MYT1L: variants seen among roughly 807,000 people sequenced by gnomAD.
MYT1L encodes the protein myelin transcription factor 1-like protein.
A neutral mutation model predicts 126.7 loss-of-function variants in MYT1L; 12 were observed. The observed-to-expected ratio is 0.09, with a 90% confidence interval of 0.06 to 0.15. MYT1L has a LOEUF of 0.15. Ranked by LOEUF, MYT1L falls within the 10% of genes least tolerant of loss-of-function variation. The pLI is 1.00. For synonymous variants in MYT1L, 541 were observed against 604.2 expected, an observed-to-expected ratio of 0.90 and a Z score of 1.53; for missense variants, 979 against 1,585.2, an observed-to-expected ratio of 0.62 and a Z score of 6.49.
At chr2:1,981,647 G>A (rs553624335) in intron 5 of MYT1L, among the ~76,000 whole-genome samples, 3 of 152,336 alleles carry the variant, frequency 2.0e-5, no homozygotes, top group African/African-American at 4.8e-5. Flanking sequence ...GGGAGGCCCC[G>A]CTGGTCCAGC....
intron 23 of MYT1L, among the ~76,000 whole-genome samples, chr2:1,794,628 T>A (rs911209247): frequency 1.3e-5 from 2 of 152,214 alleles, no homozygotes; most frequent in East Asian, 3.9e-4. Context: ...CCATTCCTCC[T>A]TCAACTTATG....
intron 3 of MYT1L, among the ~76,000 whole-genome samples, chr2:2,081,906 A>T (rs2150321287): frequency 6.6e-6 from 1 of 152,058 alleles, no homozygotes; most frequent in Non-Finnish European, 1.5e-5. Context: ...TGCTTGGCTA[A>T]TTTTTGTATG....
intron 8 of MYT1L, among the ~76,000 whole-genome samples, chr2:1,954,970 A>G (rs969906049): frequency 6.6e-6 from 1 of 151,734 alleles, no homozygotes; most frequent in Non-Finnish European, 1.5e-5. Context: ...AGAGAGAAAG[A>G]AAGAAAAGAA....
intron 1 of MYT1L, among the ~76,000 whole-genome samples, chr2:2,321,523 C>T (rs189617957): frequency 1.7e-4 from 26 of 152,190 alleles, no homozygotes; most frequent in African/African-American, 5.1e-4. Flanking sequence ...TGGTTTATTG[C>T]TTTTAGGGTT....
intron 3 of MYT1L, among the ~76,000 whole-genome samples, chr2:2,086,500 C>A (rs968974647): frequency 6.6e-6 from 1 of 152,098 alleles, no homozygotes; most frequent in Non-Finnish European, 1.5e-5. Context: ...GCCATCATAC[C>A]CATTTGTTCT....
intron 3 of MYT1L, among the ~76,000 whole-genome samples, chr2:2,122,839 G>GTA (rs1559076307): frequency 2.0e-5 from 2 of 98,226 alleles, no homozygotes; most frequent in African/African-American, 5.0e-5. Flanking sequence ...GGATAGGAAT[G>GTA]TGTGTGTGTG....
chr2:1,875,362 C>A (rs1029912187), intron 18 of MYT1L, among the ~76,000 whole-genome samples: 1 of 152,158 alleles, frequency 6.6e-6, no homozygotes, highest in Non-Finnish European at 1.5e-5. Context: ...AGTGTGCCTG[C>A]CTTGCCAAGG....
intron 4 of MYT1L, among the ~76,000 whole-genome samples, chr2:2,021,346 C>T (rs1214771992): frequency 6.6e-6 from 1 of 152,168 alleles, no homozygotes; most frequent in East Asian, 1.9e-4. Context: ...ATGCCCCAGA[C>T]ATGTCCAGGC....
intron 2 of MYT1L, among the ~76,000 whole-genome samples, chr2:2,267,646 G>C (rs1288993573): frequency 6.6e-6 from 1 of 152,218 alleles, no homozygotes; most frequent in Non-Finnish European, 1.5e-5. Context: ...GTGGGCTGAA[G>C]TGGGAAGGTG....
chr2:2,006,107 C>A (rs1257131020), intron 4 of MYT1L, among the ~76,000 whole-genome samples: 2 of 152,096 alleles, frequency 1.3e-5, no homozygotes, highest in African/African-American at 4.8e-5. Context: ...TGCATGAGTT[C>A]TTTCCTCCAT....
At chr2:2,163,226 C>T (rs999753610) in intron 3 of MYT1L, among the ~76,000 whole-genome samples, 7 of 152,232 alleles carry the variant, frequency 4.6e-5, no homozygotes, top group Non-Finnish European at 7.4e-5. Flanking sequence ...CTACATGGGG[C>T]TCTGATCTCT....
At chr2:1,888,763 A>G (rs2048459501) in intron 16 of MYT1L, among the ~76,000 whole-genome samples, 1 of 152,228 alleles carries the variant, frequency 6.6e-6, no homozygotes, top group Non-Finnish European at 1.5e-5. Context: ...GTACTAAAAT[A>G]GTTTATTCAA....
At chr2:2,316,271 G>T (rs1412086401) in intron 1 of MYT1L, among the ~76,000 whole-genome samples, 1 of 152,194 alleles carries the variant, frequency 6.6e-6, no homozygotes, top group Non-Finnish European at 1.5e-5. Flanking sequence ...GAGTTGGTGA[G>T]AACATGCCAT....
At position 1,811,242 on chromosome 2, in the gene MYT1L, A is replaced by C. The variant is rs548456178; in HGVS notation, c.3081-2075T>G. ...TTTGCAGCCCTGGAACGTCTAAGAC[A>C]ATCACCAGTATTTGTTGCTCATACC... On this transcript the variant is annotated intron_variant, in intron 21 of 24. Coordinates refer to ENST00000647738, the MANE Select transcript of MYT1L (RefSeq NM_001303052.2). The surrounding 1 kb of genome is among the most constrained non-coding windows in gnomAD (Gnocchi z 4.4). 5.9e-5 allele frequency: 9 copies of C among 152,334 alleles called. No homozygotes were observed. The highest frequency in any genetic ancestry group is 2.2e-4 in the African/African-American group (9 of 41,582). The allele number at this position is 152,334 out of a possible 1,614,324, so 9.4% of individuals were successfully genotyped here.
At chr2:2,190,555 TAAAAAAAAAA>T (rs777939174) in intron 2 of MYT1L, among the ~76,000 whole-genome samples, 2 of 108,452 alleles carry the variant, frequency 1.8e-5, no homozygotes, top group African/African-American at 6.7e-5. Context: ...CAAGACCTGT[TAAAAAAAAAA>T]AAAAAAAAAA....
chr2:2,226,784 T>C (rs2094021658), intron 2 of MYT1L, among the ~76,000 whole-genome samples: 2 of 152,146 alleles, frequency 1.3e-5, no homozygotes, highest in African/African-American at 2.4e-5. Context: ...CTGCCTGTAA[T>C]TGGGTCTCAT....
rs1243353407 is a variant in MYT1L at position 1,892,041 on chromosome 2, G to C, written c.2279C>G (p.Thr760Arg). Reference sequence around the variant, plus strand: ...CACCTGCCCAGGCGCGCGTACCCGCGTGGCGCACAGGTCCTGCGGCTTGGT... The same window carrying C: ...CACCTGCCCAGGCGCGCGTACCCGCCTGGCGCACAGGTCCTGCGGCTTGGT... ...LSTKPQDLCA[T>R]RNPDMEVDEN... is the part of the protein sequence containing the mutation. The change falls in exon 15 of 25, where the codon ACG becomes AGG. Residue 760 changes from threonine (T) to arginine (R), a missense_variant. By Grantham distance (71) the Thr-to-Arg change is moderately conservative (BLOSUM62 -1). This residue lies in a region of MYT1L where 141 missense variants were observed against 170.6 expected (regional missense o/e 0.83). Transcript: ENST00000647738. The C allele has an allele frequency of 2.0e-6, 3 of 1,528,008 alleles. No homozygotes were observed. Among genetic ancestry groups the C allele is most frequent in the Non-Finnish European group, 2.6e-6 (3 of 1,138,884 alleles). 94.7% of individuals were successfully genotyped at this position (1,528,008 alleles called of 1,614,324 possible).
chr2:2,189,188 C>T (rs2092415801), intron 2 of MYT1L, among the ~76,000 whole-genome samples: 1 of 152,208 alleles, frequency 6.6e-6, no homozygotes, highest in African/African-American at 2.4e-5. Context: ...AACCTGAACT[C>T]CTGGCCATGC....
chr2:2,042,682 C>T (rs181418162), intron 4 of MYT1L, among the ~76,000 whole-genome samples: 4 of 152,252 alleles, frequency 2.6e-5, no homozygotes, highest in Admixed American at 6.5e-5. Flanking sequence ...CCAATGGTCC[C>T]GGCCTCCCTG....
Sources: allele counts gnomAD v4.1 joint callset (sites outside exome capture counted in the v4.1 genomes callset), GRCh38; gene constraint gnomAD v4.1.1; regional missense constraint gnomAD v4.1.1; non-coding constraint Gnocchi (gnomAD v3.1); transcripts MANE v1.5; gene names NCBI Gene and HGNC (gene_info 2026-07-23, HGNC 2026-07-21).